The following GPC6 variants were observed in gnomAD, a reference collection of about 807,000 sequenced individuals.
GPC6 encodes the protein glypican 6, also known as glypican-6.
GPC6 carries 14 observed loss-of-function variants against 55.2 expected under a neutral mutation model. The observed-to-expected ratio is 0.25, with a 90% confidence interval of 0.17 to 0.40. GPC6 has a LOEUF of 0.40. GPC6 is among the 10% of genes least tolerant of loss of function. The pLI is 1.00. For missense variants in GPC6, 641 were observed against 708.5 expected, an observed-to-expected ratio of 0.90 and a Z score of 1.08; for synonymous variants, 278 against 259.6, an observed-to-expected ratio of 1.07 and a Z score of -0.68.
intron 1 of GPC6, among the ~76,000 whole-genome samples, chr13:93,318,460 T>C (rs560080537): frequency 6.6e-6 from 1 of 152,082 alleles, no homozygotes; most frequent in Non-Finnish European, 1.5e-5. Flanking sequence ...ATATTGAGAC[T>C]CCAGTTCAAC....
rs1245508010 is a variant in GPC6 at position 93,580,282 on chromosome 13, C to T, written c.319+34861C>T. On this transcript the variant is annotated intron_variant, in intron 2 of 8. Transcript: ENST00000377047. ...CATTCATGAGGGCTCATGACCTATT[C>T]ATCTTCCAAAAGCCCTACCAATGAA... Among the ~76,000 whole-genome samples, 4 of 152,272 alleles carry T rather than the reference C, an allele frequency of 2.6e-5. No individual in the cohort carries two copies. The East Asian group carries it at 5.8e-4, about 22-fold the overall frequency.
Position 93,754,022 on chromosome 13 carries a change from A to C in GPC6, c.320-76132A>C, listed in dbSNP as rs141851553. Among the ~76,000 whole-genome samples, 1,396 of 152,296 alleles carry C rather than the reference A, an allele frequency of 9.2e-3. 12 individuals carry two copies. Among genetic ancestry groups the C allele is most frequent in the Non-Finnish European group, 0.015 (1,038 of 68,020 alleles). ...CATGTGGAGACTGAGTATGTGATAG[A>C]AGGAGCAGAGTGAAGGGGTAGCAGG... On this transcript the variant is annotated intron_variant, in intron 2 of 8. Coordinates refer to ENST00000377047, the MANE Select transcript of GPC6 (RefSeq NM_005708.5).
intron 3 of GPC6, among the ~76,000 whole-genome samples, chr13:93,935,627 A>G (rs1878397074): frequency 6.6e-6 from 1 of 152,190 alleles, no homozygotes; most frequent in African/African-American, 2.4e-5. Flanking sequence ...AAAGTTTAAA[A>G]TTACATACGC....
rs145527584 is a variant in GPC6 at position 93,501,980 on chromosome 13, G to A, written c.161-43283G>A. Among the ~76,000 whole-genome samples the A allele has an allele frequency of 3.0e-4, 46 of 152,252 alleles. No homozygotes were observed. In the East Asian group the frequency reaches 8.7e-3, roughly 29 times the overall value. The stretch of plus-strand genomic sequence containing the variant: ...TGTAGAATAGTATATATTAAAGAGT[G>A]TTAACTTGAAGATCAGAGATTTTAT... On this transcript the variant is annotated intron_variant, in intron 1 of 8. Transcript: ENST00000377047.
At chr13:94,314,089 G>A (rs1317769706) in intron 6 of GPC6, among the ~76,000 whole-genome samples, 1 of 152,158 alleles carries the variant, frequency 6.6e-6, no homozygotes, top group African/African-American at 2.4e-5. Flanking sequence ...GTTAGTGCTG[G>A]CGTCATCAAA....
chr13:93,287,453 C>T (rs991631138), intron 1 of GPC6, among the ~76,000 whole-genome samples: 1 of 152,140 alleles, frequency 6.6e-6, no homozygotes, highest in Non-Finnish European at 1.5e-5. Flanking sequence ...CAGGAATTGG[C>T]CAGCAACTCA....
intron 1 of GPC6, among the ~76,000 whole-genome samples, chr13:93,382,891 C>T (rs762704007): frequency 3.3e-5 from 5 of 152,126 alleles, no homozygotes; most frequent in African/African-American, 7.2e-5. Flanking sequence ...TGTCCTTTGG[C>T]GGTTTCTCTC....
At chr13:93,824,540 G>C (rs1887166131) in intron 2 of GPC6, among the ~76,000 whole-genome samples, 1 of 152,102 alleles carries the variant, frequency 6.6e-6, no homozygotes, top group Non-Finnish European at 1.5e-5. Context: ...AGGACAGGCA[G>C]AGTTTGGAGA....
chr13:94,044,034 C>T (rs1046200902), intron 4 of GPC6, among the ~76,000 whole-genome samples: 1 of 151,650 alleles, frequency 6.6e-6, no homozygotes, highest in African/African-American at 2.4e-5. Context: ...GGATATGAAG[C>T]ATTACTGTAG....
intron 1 of GPC6, among the ~76,000 whole-genome samples, chr13:93,437,828 T>C (rs1030524218): frequency 6.6e-6 from 1 of 152,300 alleles, no homozygotes; most frequent in East Asian, 1.9e-4. Flanking sequence ...GAAACAGCCC[T>C]CTATTAGAAG....
At chr13:93,980,069 G>A (rs1009695694) in intron 3 of GPC6, among the ~76,000 whole-genome samples, 3 of 152,110 alleles carry the variant, frequency 2.0e-5, no homozygotes, top group East Asian at 1.9e-4. Context: ...TGGACCAAGA[G>A]AGATCTTACG....
intron 4 of GPC6, among the ~76,000 whole-genome samples, chr13:94,082,419 A>G (rs1885133242): frequency 6.6e-6 from 1 of 152,090 alleles, no homozygotes; most frequent in Admixed American, 6.5e-5. Context: ...TCTCCCAAAC[A>G]TTAACATTAC....
intron 1 of GPC6, among the ~76,000 whole-genome samples, chr13:93,356,784 A>G (rs1880863852): frequency 6.6e-6 from 1 of 152,222 alleles, no homozygotes. Context: ...TATTTGCAGG[A>G]GCCTTTCAGC....
intron 1 of GPC6, among the ~76,000 whole-genome samples, chr13:93,358,199 A>G (rs1399360549): frequency 5.9e-5 from 9 of 152,118 alleles, no homozygotes; most frequent in Non-Finnish European, 1.0e-4. Flanking sequence ...ATGAAAAATT[A>G]CCTGGGTGTG....
intron 1 of GPC6, among the ~76,000 whole-genome samples, chr13:93,427,322 G>A (rs1051635472): frequency 1.3e-5 from 2 of 151,650 alleles, no homozygotes; most frequent in Admixed American, 6.6e-5. Context: ...AACAAAGCTG[G>A]AGGCATCACA....
At chr13:94,356,482 C>T (rs182984514) in intron 6 of GPC6, among the ~76,000 whole-genome samples, 2 of 152,316 alleles carry the variant, frequency 1.3e-5, no homozygotes, top group Admixed American at 1.3e-4. Context: ...TTGTTCACTA[C>T]TTCATCCCTG....
intron 2 of GPC6, among the ~76,000 whole-genome samples, chr13:93,794,568 T>TG (rs935088488): frequency 4.6e-5 from 7 of 152,238 alleles, no homozygotes; most frequent in East Asian, 1.9e-4. Flanking sequence ...CACTTCATTC[T>TG]GGGGGGGAAA....
At chr13:93,826,098 G>A (rs538457624) in intron 2 of GPC6, among the ~76,000 whole-genome samples, 2 of 152,044 alleles carry the variant, frequency 1.3e-5, no homozygotes, top group Middle Eastern at 3.4e-3. Flanking sequence ...GACCTCAGGT[G>A]ATCTGCCCAC....
At chr13:93,805,446 TG>T (rs1886514441) in intron 2 of GPC6, among the ~76,000 whole-genome samples, 1 of 152,142 alleles carries the variant, frequency 6.6e-6, no homozygotes, top group Admixed American at 6.6e-5. Context: ...AAATAATGTT[TG>T]GGGGAATCAT....
Sources: gnomAD v4.1 joint callset for allele counts (sites outside exome capture counted in the v4.1 genomes callset) on GRCh38, gnomAD v4.1.1 for gene constraint, MANE v1.5 for transcripts, NCBI Gene and HGNC (gene_info 2026-07-23, HGNC 2026-07-21) for gene names.